TNK1: variants seen among roughly 807,000 people sequenced by gnomAD.
TNK1 encodes the protein non-receptor tyrosine-protein kinase TNK1.
Under a neutral mutation model 65.2 loss-of-function variants are expected in TNK1, and 53 were observed. The ratio of observed to expected loss-of-function variants is 0.81; its 90% CI spans 0.65 to 1.02. The LOEUF (loss-of-function observed/expected upper bound fraction) is 1.02, where lower values mean the gene tolerates loss of function less well. Among genes scored for constraint, TNK1 ranks in the 50% least tolerant of loss-of-function variants. TNK1 has a pLI of 0.00. For missense variants in TNK1, 837 were observed against 878.4 expected, an observed-to-expected ratio of 0.95 and a Z score of 0.60; for synonymous variants, 353 against 364.6, an observed-to-expected ratio of 0.97 and a Z score of 0.36.
rs58694124 is a variant in TNK1, at chr17:7,388,004, C to T, written c.1478-402C>T. ...TGAGCTCTGAGTTCTCTGGGCCCTC[C>T]GCCTAGGCCTTGGTGTCCACTTGCC... On this transcript the variant is annotated intron_variant, in intron 10 of 12. Transcript: ENST00000688331. This position sits in a 1 kb window ranked among gnomAD's most constrained non-coding sequence, Gnocchi z 4.5. Among the ~76,000 whole-genome samples, 2,018 of 152,330 alleles carry T rather than the reference C, an allele frequency of 0.013. 41 individuals are homozygous for T. The highest frequency in any genetic ancestry group is 0.046 in the African/African-American group (1,926 of 41,570).
chr17:7,380,279 G>T (rs1201274830), upstream of TNK1, among the ~76,000 whole-genome samples: 2 of 152,152 alleles, frequency 1.3e-5, no homozygotes, highest in African/African-American at 4.8e-5. Flanking sequence ...CTTGGGACAG[G>T]GGACAGACTA....
upstream of TNK1, chr17:7,380,399 G>C (rs764237448): frequency 3.3e-5 from 5 of 152,288 alleles, no homozygotes; most frequent in Admixed American, 6.5e-5. Flanking sequence ...AGTGGCCACA[G>C]GCTAGGTAGC....
intron 10 of TNK1, 140 bp downstream of exon 10, chr17:7,387,597 C>A: frequency 8.3e-6 from 5 of 600,216 alleles, no homozygotes; most frequent in South Asian, 5.5e-5. Flanking sequence ...CTATACTGTG[C>A]AATCTATTTT....
At chr17:7,387,551 T>A (rs566118973) in intron 10 of TNK1, 94 bp downstream of exon 10, 1 of 1,077,020 alleles carries the variant, frequency 9.3e-7, no homozygotes, top group East Asian at 2.6e-5. Flanking sequence ...GCATCTATTA[T>A]TTCCTTCCTC....
chr17:7,384,546 G>A lies in TNK1; in HGVS notation c.929G>A (p.Gly310Glu). 1 of 1,608,272 alleles carries A rather than the reference G, an allele frequency of 6.2e-7. No individual in the cohort carries two copies. Among genetic ancestry groups the A allele is most frequent in the Non-Finnish European group, 8.5e-7 (1 of 1,176,486 alleles). ...TCTGCCTCGGACGTGTGGATGTTTG[G>A]GGTGACGCTGTGGGAGATGTTCTCC... The part of the protein sequence containing the change: ...FSSASDVWMF[G>E]VTLWEMFSGG... Residue 310 changes from glycine (G) to glutamate (E), a missense_variant, in exon 7 of 13, where the codon GGG (glycine) becomes GAG (glutamate). By Grantham distance (98) the Gly-to-Glu change is moderately conservative. Transcript: ENST00000688331.
Position 7,389,078 on chromosome 17 carries a change from G to A in TNK1, c.1980G>A (p.Arg660=). 6.4e-7 allele frequency: 1 copy of A among 1,552,256 alleles called. No individual in the cohort carries two copies. Among genetic ancestry groups the A allele is most frequent in the Non-Finnish European group, 8.7e-7 (1 of 1,147,272 alleles). Residue 660 remains arginine, a synonymous_variant, in exon 13 of 13, where the codon AGG becomes AGA. Coordinates refer to ENST00000688331, the MANE Select transcript of TNK1 (RefSeq NM_003985.6). ...LSAASRYVLA[R]P ...CTGCCAGCCGCTATGTCCTGGCCAG[G>A]CCCTGAGCTCAGCTTCTGCGGGCAC... is the stretch of plus-strand genomic sequence containing the variant.
chr17:7,383,511 C>T lies in TNK1; in HGVS notation c.321C>T (p.Leu107=). The T allele has an allele frequency of 6.2e-7, 1 of 1,613,862 alleles. No homozygotes were observed. The highest frequency in any genetic ancestry group is 8.5e-7 in the Non-Finnish European group (1 of 1,179,876). Residue 107 remains leucine, a synonymous_variant, in exon 4 of 13, where the codon CTC becomes CTT. Transcript: ENST00000688331. Reference sequence around the variant, plus strand: ...ACCTCCCTGAGCCAGAGGGGGGCCTCAAGTGTCTGATCCCAGAGGGTGCTG... The same window carrying T: ...ACCTCCCTGAGCCAGAGGGGGGCCTTAAGTGTCTGATCCCAGAGGGTGCTG... The part of the protein sequence containing the change: ...PRHLPEPEGG[L]KCLIPEGAVC...
rs1567645312 is a variant in TNK1, at chr17:7,383,819, C to G, written c.537C>G (p.His179Gln). Residue 179 changes from histidine (H) to glutamine (Q), a missense_variant, in exon 5 of 13, where the codon CAC becomes CAG. Coordinates refer to ENST00000688331, the MANE Select transcript of TNK1 (RefSeq NM_003985.6). ...TCATGATGAACTTGGAGCACCCACA[C>G]GTGCTGCGTCTGCACGGCCTTGTAC... ...VSVMMNLEHP[H>Q]VLRLHGLVLG... 1 of 1,612,676 alleles carries G rather than the reference C, an allele frequency of 6.2e-7. No homozygotes were observed. Among genetic ancestry groups the G allele is most frequent in the Non-Finnish European group, 8.5e-7 (1 of 1,179,402 alleles).
Sources: allele counts gnomAD v4.1 joint callset (sites outside exome capture counted in the v4.1 genomes callset), GRCh38; gene constraint gnomAD v4.1.1; non-coding constraint Gnocchi (gnomAD v3.1); transcripts MANE v1.5; gene names NCBI Gene and HGNC (gene_info 2026-07-23, HGNC 2026-07-21).